ITGB1: variants seen among roughly 807,000 people sequenced by gnomAD.
ITGB1 encodes integrin subunit beta 1, also known as integrin beta-1.
ITGB1 carries 24 observed loss-of-function variants against 86.5 expected under a neutral mutation model. The ratio of observed to expected loss-of-function variants is 0.28; its 90% CI spans 0.20 to 0.39. The LOEUF (loss-of-function observed/expected upper bound fraction) is 0.39. Among genes scored for constraint, ITGB1 ranks in the 10% least tolerant of loss-of-function variants. The pLI, the probability that ITGB1 is intolerant of heterozygous loss-of-function variation, is 1.00. For missense variants in ITGB1, 556 were observed against 946.9 expected, an observed-to-expected ratio of 0.59 and a Z score of 5.42; for synonymous variants, 323 against 316.8, an observed-to-expected ratio of 1.02 and a Z score of -0.21.
At chr10:32,945,303 A>T (rs531037199) in intron 1 of ITGB1, among the ~76,000 whole-genome samples, 1 of 152,298 alleles carries the variant, frequency 6.6e-6, no homozygotes, top group South Asian at 2.1e-4. Flanking sequence ...CTTTTTGTTC[A>T]TTAAGTGGTT....
intron 2 of ITGB1, among the ~76,000 whole-genome samples, chr10:32,933,982 ACCC>A (rs2094992551): frequency 1.3e-5 from 2 of 152,248 alleles, no homozygotes; most frequent in East Asian, 1.9e-4. Context: ...ACATATAAAC[ACCC>A]CAAGTACACA....
intron 12 of ITGB1, 64 bp downstream of exon 12, chr10:32,911,822 C>A: frequency 6.7e-7 from 1 of 1,482,912 alleles, no homozygotes; most frequent in Non-Finnish European, 9.3e-7. Context: ...ACCAACTAAA[C>A]TCAAGATTTT....
In ITGB1 at chr10:32,932,590, T is replaced by C. The variant is rs149826042; in HGVS notation, c.78A>G (p.Arg26=). ...CCVFAQTDEN[R]CLKANAKSCG... The stretch of plus-strand genomic sequence containing the variant: ...ATGATTTGGCATTTGCTTTTAAACA[T>C]CTATTTTCATCTGTCAGAAAGAAGA... Residue 26 remains arginine, a synonymous_variant, in exon 3 of 16, where the codon AGA becomes AGG. Coordinates refer to ENST00000302278, the MANE Select transcript of ITGB1 (RefSeq NM_002211.4). The C allele has an allele frequency of 3.8e-4, 604 of 1,576,302 alleles. 4 individuals are homozygous for C. Among genetic ancestry groups the C allele is most frequent in the Non-Finnish European group, 2.8e-5 (32 of 1,145,856 alleles).
At chr10:32,942,677 C>A (rs1051870364) in intron 1 of ITGB1, among the ~76,000 whole-genome samples, 11 of 109,170 alleles carry the variant, frequency 1.0e-4, no homozygotes, top group African/African-American at 2.5e-4. Flanking sequence ...CTGTCTCTCT[C>A]TCTCTCTTTT....
intron 11 of ITGB1, among the ~76,000 whole-genome samples, chr10:32,915,060 T>A (rs191026791): frequency 6.6e-6 from 1 of 152,306 alleles, no homozygotes; most frequent in East Asian, 1.9e-4. Context: ...TGCTCCTGAA[T>A]GACTACTGGA....
chr10:32,906,805 G>A (rs911944291), intron 15 of ITGB1, among the ~76,000 whole-genome samples: 6 of 152,216 alleles, frequency 3.9e-5, no homozygotes, highest in African/African-American at 7.2e-5. Flanking sequence ...CTAAGTGGAA[G>A]AGGTGGGATT....
chr10:32,954,950 T>G (rs1358315854), intron 1 of ITGB1, among the ~76,000 whole-genome samples: 1 of 152,220 alleles, frequency 6.6e-6, no homozygotes, highest in Non-Finnish European at 1.5e-5. Context: ...GTACAAAGTA[T>G]AGTTTGGATC....
intron 15 of ITGB1, among the ~76,000 whole-genome samples, chr10:32,905,423 T>C (rs368072615): frequency 1.1e-4 from 17 of 152,312 alleles, no homozygotes; most frequent in African/African-American, 3.8e-4. Flanking sequence ...TTCCCTAACA[T>C]GATGTTTGCC....
At chr10:32,935,630 A>G in intron 1 of ITGB1, 72 bp from the exon 2 acceptor site, 1 of 996,796 alleles carries the variant, frequency 1.0e-6, no homozygotes, top group Non-Finnish European at 1.6e-6. Context: ...AGAAAGTATT[A>G]CCCCACCGTA....
At chr10:32,918,839 AC>A (rs994469692) in intron 11 of ITGB1, among the ~76,000 whole-genome samples, 43 of 152,212 alleles carry the variant, frequency 2.8e-4, no homozygotes, top group African/African-American at 7.2e-4. Flanking sequence ...TTGAAAAAAA[AC>A]ATACTGTGTA....
chr10:32,954,721 A>G (rs75885532), intron 1 of ITGB1, among the ~76,000 whole-genome samples: 6,416 of 152,270 alleles, frequency 0.042, 467 homozygotes, highest in African/African-American at 0.15. Context: ...TAAGAAATAC[A>G]TACATATATG....
chr10:32,903,220 C>T (rs553177078), intron 15 of ITGB1, among the ~76,000 whole-genome samples: 19 of 151,478 alleles, frequency 1.3e-4, no homozygotes, highest in African/African-American at 2.7e-4. Context: ...GGTGTGGTGG[C>T]GGGTGCCTGT....
intron 1 of ITGB1, among the ~76,000 whole-genome samples, chr10:32,948,219 G>C (rs1375396325): frequency 6.6e-6 from 1 of 152,064 alleles, no homozygotes; most frequent in Non-Finnish European, 1.5e-5. Context: ...CATCCAAGTA[G>C]AATTCTATTT....
chr10:32,951,532 G>A (rs182287307), intron 1 of ITGB1: 1 of 152,212 alleles, frequency 6.6e-6, no homozygotes, highest in East Asian at 1.9e-4. Flanking sequence ...GACTTCAGAG[G>A]ATGAACGTAA....
chr10:32,941,175 T>C (rs888768788), intron 1 of ITGB1, among the ~76,000 whole-genome samples: 1 of 152,096 alleles, frequency 6.6e-6, no homozygotes, highest in Non-Finnish European at 1.5e-5. Context: ...GGCCTGCATA[T>C]ACAAAGCCAT....
In ITGB1 at chr10:32,926,077, G is replaced by C; in HGVS notation, c.580C>G (p.Pro194Ala). ...FGSFVEKTVM[P>A]YISTTPAKLR... is the part of the protein sequence containing the mutation. ...TTAGCTGGTGTTGTGCTAATGTAAG[G>C]CATCACAGTCTTTTCCACAAATGAG... Residue 194 changes from proline (P) to alanine (A), a missense_variant, in exon 6 of 16, where the codon CCT becomes GCT. Physicochemically the swap from Pro to Ala is conservative, Grantham distance 27. Coordinates refer to ENST00000302278, the MANE Select transcript of ITGB1 (RefSeq NM_002211.4). The C allele has an allele frequency of 6.2e-7, 1 of 1,613,998 alleles. No individual in the cohort carries two copies. Among genetic ancestry groups the C allele is most frequent in the Non-Finnish European group, 8.5e-7 (1 of 1,179,962 alleles).
Position 32,907,018 on chromosome 10 carries a change from A to G in ITGB1, c.2331+1350T>C, listed in dbSNP as rs1229968896. The G allele has an allele frequency of 5.2e-6, 5 of 965,936 alleles. No individual in the cohort carries two copies. In the African/African-American group the frequency reaches 8.5e-5, roughly 16 times the overall value. The allele number at this position is 965,936 out of a possible 1,614,324, so 59.8% of individuals were successfully genotyped here. A position where few individuals can be genotyped will look rare whatever the true frequency, so the allele number is the denominator to read the frequency against. On this transcript the variant is annotated intron_variant, in intron 15 of 15. Transcript: ENST00000302278. ...AAGGACACACAGTGCAGTAAAAAAG[A>G]TAGAAGTTCACATGCAAAGGCAGAA... is the stretch of plus-strand genomic sequence containing the variant.
chr10:32,932,784 G>C (rs2094988038), intron 2 of ITGB1, 184 bp from the exon 3 acceptor site: 1 of 494,714 alleles, frequency 2.0e-6, no homozygotes, highest in Non-Finnish European at 3.7e-6. Context: ...TAATTTTTGT[G>C]GGTAAATAGG....
At chr10:32,912,624 C>A (rs111707890) in intron 11 of ITGB1, among the ~76,000 whole-genome samples, 1,572 of 152,276 alleles carry the variant, frequency 0.01, 43 homozygotes, top group African/African-American at 0.036. Context: ...GAGGGGTATC[C>A]CCCATTGCTG....
Sources: allele counts gnomAD v4.1 joint callset (sites outside exome capture counted in the v4.1 genomes callset), GRCh38; gene constraint gnomAD v4.1.1; transcripts MANE v1.5; gene names NCBI Gene and HGNC (gene_info 2026-07-23, HGNC 2026-07-21).